The following KCNQ5 variants were observed in gnomAD, a reference collection of about 807,000 sequenced individuals.
KCNQ5 encodes potassium voltage-gated channel subfamily KQT member 5.
A neutral mutation model predicts 98.2 loss-of-function variants in KCNQ5; 30 were observed. The ratio of observed to expected loss-of-function variants is 0.31; its 90% CI spans 0.23 to 0.41. The LOEUF is 0.41. KCNQ5 is among the 10% of genes least tolerant of loss of function. KCNQ5 has a pLI of 1.00. For synonymous variants in KCNQ5, 458 were observed against 449.4 expected (o/e 1.02, Z -0.24); for missense variants, 835 against 1,182.5 (o/e 0.71, Z 4.31).
chr6:73,077,309 C>T lies in KCNQ5; in HGVS notation c.617-13C>T. ...TCGTGCTAACTGTGGCTATTTCGAC[C>T]TGTTTCTTTCAGATACCATTGTTCT... is the stretch of plus-strand genomic sequence containing the variant. On this transcript the variant is annotated splice_polypyrimidine_tract_variant and intron_variant, in intron 3 of 13. Transcript: ENST00000370398. 6.2e-7 allele frequency: 1 copy of T among 1,610,640 alleles called. No homozygotes were observed. The highest frequency in any genetic ancestry group is 8.5e-7 in the Non-Finnish European group (1 of 1,178,500).
At chr6:72,691,954 C>T (rs1768232788) in intron 1 of KCNQ5, among the ~76,000 whole-genome samples, 1 of 152,206 alleles carries the variant, frequency 6.6e-6, no homozygotes, top group Admixed American at 6.5e-5. Context: ...GGTCAGTTAT[C>T]TCTAACTCCA....
At chr6:72,975,830 T>G (rs969796971) in intron 1 of KCNQ5, among the ~76,000 whole-genome samples, 2 of 152,224 alleles carry the variant, frequency 1.3e-5, no homozygotes, top group African/African-American at 4.8e-5. Flanking sequence ...CAAGTTCTTA[T>G]GACTGCTTTA....
chr6:73,157,719 C>G (rs1777424416), intron 10 of KCNQ5: 1 of 776,992 alleles, frequency 1.3e-6, no homozygotes, highest in East Asian at 2.4e-5. Flanking sequence ...CAGCCCCCAT[C>G]AGGTCATAGG....
intron 1 of KCNQ5, among the ~76,000 whole-genome samples, chr6:72,624,759 G>T (rs1481405184): frequency 6.6e-6 from 1 of 152,144 alleles, no homozygotes; most frequent in African/African-American, 2.4e-5. Flanking sequence ...TTAGATAGGG[G>T]TGCTATATCC....
chr6:73,048,946 T>C (rs2150363401), intron 3 of KCNQ5, among the ~76,000 whole-genome samples: 1 of 152,324 alleles, frequency 6.6e-6, no homozygotes, highest in South Asian at 2.1e-4. Flanking sequence ...TTAAAGATTG[T>C]TTATTTCTTT....
At chr6:72,843,113 T>C (rs1776871544) in intron 1 of KCNQ5, among the ~76,000 whole-genome samples, 1 of 152,228 alleles carries the variant, frequency 6.6e-6, no homozygotes, top group Non-Finnish European at 1.5e-5. Context: ...TTTATGGTTT[T>C]AGGTCTTACA....
chr6:73,069,817 G>A (rs999088739), intron 3 of KCNQ5, among the ~76,000 whole-genome samples: 5 of 152,114 alleles, frequency 3.3e-5, no homozygotes, highest in Non-Finnish European at 7.4e-5. Flanking sequence ...CTATGTATTG[G>A]AAGGCCTTTT....
At chr6:72,972,481 G>A (rs1767949651) in intron 1 of KCNQ5, among the ~76,000 whole-genome samples, 2 of 151,264 alleles carry the variant, frequency 1.3e-5, no homozygotes, top group Non-Finnish European at 3.0e-5. Flanking sequence ...CATCCCCTAA[G>A]TTTTCTCCCC....
intron 1 of KCNQ5, among the ~76,000 whole-genome samples, chr6:72,864,403 C>T (rs904241501): frequency 2.0e-5 from 3 of 152,150 alleles, no homozygotes; most frequent in South Asian, 2.1e-4. Context: ...AGTTCCAAAA[C>T]GGCAAACTCT....
intron 1 of KCNQ5, among the ~76,000 whole-genome samples, chr6:72,692,641 C>G (rs1768270705): frequency 6.6e-6 from 1 of 152,188 alleles, no homozygotes; most frequent in Admixed American, 6.5e-5. Context: ...GGAATGGGCT[C>G]TGCAGGAAAA....
intron 1 of KCNQ5, among the ~76,000 whole-genome samples, chr6:72,789,426 C>A (rs989241331): frequency 2.0e-5 from 3 of 152,160 alleles, no homozygotes; most frequent in African/African-American, 7.2e-5. Context: ...AGGTGTTTTA[C>A]CTCAGACCAG....
At chr6:73,160,167 C>T (rs550594902) in intron 10 of KCNQ5, among the ~76,000 whole-genome samples, 2 of 150,846 alleles carry the variant, frequency 1.3e-5, no homozygotes, top group East Asian at 1.9e-4. Context: ...GCACCCACCA[C>T]GACGCCCGGC....
At chr6:72,665,294 G>A (rs1766748452) in intron 1 of KCNQ5, among the ~76,000 whole-genome samples, 1 of 142,926 alleles carries the variant, frequency 7.0e-6, no homozygotes, top group Non-Finnish European at 1.5e-5. Flanking sequence ...GCTGCAGTGA[G>A]CCAAGATCAT....
chr6:72,890,186 T>C (rs189752738), intron 1 of KCNQ5, among the ~76,000 whole-genome samples: 2 of 152,240 alleles, frequency 1.3e-5, no homozygotes, highest in African/African-American at 4.8e-5. Flanking sequence ...GGTTTGGACA[T>C]ATGTACATAT....
chr6:72,967,999 C>G (rs1040826396), intron 1 of KCNQ5, among the ~76,000 whole-genome samples: 3 of 152,172 alleles, frequency 2.0e-5, no homozygotes, highest in African/African-American at 7.2e-5. Flanking sequence ...CTGTCTCTTC[C>G]TCATTCGCAG....
chr6:72,900,360 A>G (rs1779439361), intron 1 of KCNQ5, among the ~76,000 whole-genome samples: 1 of 148,458 alleles, frequency 6.7e-6, no homozygotes, highest in Admixed American at 6.8e-5. Context: ...ATATATATAA[A>G]GAAACTTTAT....
intron 1 of KCNQ5, among the ~76,000 whole-genome samples, chr6:72,667,356 C>G (rs552718885): frequency 6.6e-6 from 1 of 152,220 alleles, no homozygotes; most frequent in East Asian, 1.9e-4. Context: ...ATTCGTATCC[C>G]GACTTCACCC....
Position 72,622,586 on chromosome 6 carries a change from G to C in KCNQ5, c.397G>C (p.Val133Leu). ...CTGGGCGTTCATCTACCACGCTTTC[G>C]TGTGAGTACCCGCGCCCCCTGCTAT... ...RGWAFIYHAF[V>L]FLLVFGCLIL... is the part of the protein sequence containing the mutation. The change falls in exon 1 of 14, where the codon GTT becomes CTT. Residue 133 changes from valine (V) to leucine (L), a missense_variant and splice_region_variant. By Grantham distance (32) the Val-to-Leu change is conservative. Around this residue, in one of 10 missense-constraint regions of KCNQ5, gnomAD observed 19 missense variants for 29.6 expected, o/e 0.64. Coordinates refer to ENST00000370398, the MANE Select transcript of KCNQ5 (RefSeq NM_019842.4). The surrounding 1 kb of genome is among the most constrained non-coding windows in gnomAD (Gnocchi z 6.0). 1 of 1,612,376 alleles carries C rather than the reference G, an allele frequency of 6.2e-7. No individual in the cohort carries two copies. The highest frequency in any genetic ancestry group is 8.5e-7 in the Non-Finnish European group (1 of 1,179,440).
chr6:73,129,697 A>G lies in KCNQ5; in HGVS notation c.1248-3724A>G, dbSNP rs887928349. On this transcript the variant is annotated intron_variant, in intron 9 of 13. Transcript: ENST00000370398. ...TGTGTACTTCTATATTAAAAACAATAAAGCCAAATGGCTTTGTTTTTATAA... is the reference window on the plus strand; with the variant it reads ...TGTGTACTTCTATATTAAAAACAATGAAGCCAAATGGCTTTGTTTTTATAA... The G allele has an allele frequency of 2.4e-5, 24 of 1,016,364 alleles. No homozygotes were observed. The East Asian group carries it at 6.0e-4, about 25-fold the overall frequency. The allele number at this position is 1,016,364 out of a possible 1,614,324, so 63.0% of individuals were successfully genotyped here. A position where few individuals can be genotyped will look rare whatever the true frequency, so the allele number is the denominator to read the frequency against.
Sources: gnomAD v4.1 joint callset for allele counts (sites outside exome capture counted in the v4.1 genomes callset) on GRCh38, gnomAD v4.1.1 for gene constraint, gnomAD v4.1.1 regional missense constraint, Gnocchi (gnomAD v3.1) non-coding constraint, MANE v1.5 for transcripts, NCBI Gene and HGNC (gene_info 2026-07-23, HGNC 2026-07-21) for gene names.